The following SLCO3A1 variants were observed in gnomAD, a reference collection of about 807,000 sequenced individuals.
SLCO3A1 encodes solute carrier organic anion transporter family member 3A1.
A neutral mutation model predicts 63.1 loss-of-function variants in SLCO3A1; 27 were observed. That is an observed-to-expected ratio of 0.43 (90% CI 0.32 to 0.59). SLCO3A1 has a LOEUF of 0.59. Among genes scored for constraint, SLCO3A1 ranks in the 20% least tolerant of loss-of-function variants. SLCO3A1 has a pLI of 0.09. For missense variants in SLCO3A1, 773 were observed against 945.8 expected (o/e 0.82, Z 2.40); for synonymous variants, 473 against 409.9 (o/e 1.15, Z -1.86).
At chr15:92,092,754 T>G (rs1211358942) in intron 2 of SLCO3A1, among the ~76,000 whole-genome samples, 1 of 152,156 alleles carries the variant, frequency 6.6e-6, no homozygotes, top group Non-Finnish European at 1.5e-5. Context: ...TTCCGAAAGA[T>G]CTTTTCCAGT....
At chr15:91,947,303 C>G (rs1171326155) in intron 2 of SLCO3A1, among the ~76,000 whole-genome samples, 1 of 152,230 alleles carries the variant, frequency 6.6e-6, no homozygotes, top group African/African-American at 2.4e-5. Flanking sequence ...AGCAGCTTAT[C>G]TTTGAAATTC....
intron 2 of SLCO3A1, among the ~76,000 whole-genome samples, chr15:91,974,717 G>A (rs1260551827): frequency 5.3e-5 from 8 of 152,254 alleles, no homozygotes; most frequent in Admixed American, 1.3e-4. Context: ...AAATCTCTCC[G>A]AAAGAGGAAA....
chr15:92,104,595 G>A, intron 4 of SLCO3A1, 53 bp downstream of exon 4: 3 of 1,568,316 alleles, frequency 1.9e-6, no homozygotes, highest in Non-Finnish European at 2.6e-6. Flanking sequence ...ATTGGGATGG[G>A]GGTGATGAAT....
intron 2 of SLCO3A1, among the ~76,000 whole-genome samples, chr15:91,964,095 G>A (rs976093579): frequency 5.3e-5 from 8 of 152,138 alleles, no homozygotes; most frequent in Admixed American, 2.0e-4. Flanking sequence ...ACCTGACCCA[G>A]AAGCTCAGCT....
chr15:92,072,687 C>G (rs886428547), intron 2 of SLCO3A1, among the ~76,000 whole-genome samples: 1 of 152,136 alleles, frequency 6.6e-6, no homozygotes, highest in South Asian at 2.1e-4. Context: ...TCTGATAGAT[C>G]CAGGCGTTCC....
intron 2 of SLCO3A1, among the ~76,000 whole-genome samples, chr15:92,010,025 G>T (rs377353547): frequency 6.6e-6 from 1 of 152,184 alleles, no homozygotes. Flanking sequence ...CAATTTCACC[G>T]CACTCTTGAC....
intron 2 of SLCO3A1, among the ~76,000 whole-genome samples, chr15:91,925,034 G>A (rs973105789): frequency 7.2e-5 from 11 of 152,344 alleles, no homozygotes; most frequent in African/African-American, 2.6e-4. Context: ...CCAGAAGGAT[G>A]TCAAAGAATA....
At chr15:91,990,881 A>C (rs2046118029) in intron 2 of SLCO3A1, among the ~76,000 whole-genome samples, 1 of 152,086 alleles carries the variant, frequency 6.6e-6, no homozygotes, top group African/African-American at 2.4e-5. Flanking sequence ...AGGGTGCAAA[A>C]TGGCAGCTGA....
chr15:92,027,651 G>A (rs1180285272), intron 2 of SLCO3A1, among the ~76,000 whole-genome samples: 1 of 152,238 alleles, frequency 6.6e-6, no homozygotes, highest in Non-Finnish European at 1.5e-5. Context: ...GACCCCTGGT[G>A]TGGAGTGCCA....
At chr15:92,157,428 C>G (rs1010504981) in intron 9 of SLCO3A1, among the ~76,000 whole-genome samples, 11 of 152,160 alleles carry the variant, frequency 7.2e-5, no homozygotes, top group African/African-American at 2.7e-4. Context: ...CACCTGGCCC[C>G]CCCCCTTGTC....
At chr15:92,069,410 G>A (rs1402536640) in intron 2 of SLCO3A1, among the ~76,000 whole-genome samples, 1 of 152,194 alleles carries the variant, frequency 6.6e-6, no homozygotes, top group South Asian at 2.1e-4. Flanking sequence ...GCCAAGACTT[G>A]GTAGTTCTCA....
At chr15:92,035,027 T>C (rs2046706611) in intron 2 of SLCO3A1, among the ~76,000 whole-genome samples, 1 of 151,948 alleles carries the variant, frequency 6.6e-6, no homozygotes, top group Non-Finnish European at 1.5e-5. Context: ...TCCAAGGTCA[T>C]AGTTAAAGAG....
intron 5 of SLCO3A1, among the ~76,000 whole-genome samples, chr15:92,125,066 T>C (rs1165462613): frequency 6.6e-6 from 1 of 152,202 alleles, no homozygotes; most frequent in Non-Finnish European, 1.5e-5. Context: ...ATTTTAAGTA[T>C]GACTTGTGCT....
At chr15:92,152,794 C>A (rs937158922) in intron 9 of SLCO3A1, among the ~76,000 whole-genome samples, 2 of 152,150 alleles carry the variant, frequency 1.3e-5, no homozygotes, top group Non-Finnish European at 2.9e-5. Context: ...AAGCCATGAA[C>A]CATCCCCAGG....
intron 1 of SLCO3A1, among the ~76,000 whole-genome samples, chr15:91,861,171 G>T (rs1007595515): frequency 6.6e-6 from 1 of 152,204 alleles, no homozygotes; most frequent in Non-Finnish European, 1.5e-5. Flanking sequence ...AGACCTCAGA[G>T]CCCCAAAGCC....
At chr15:92,010,230 C>T (rs577927365) in intron 2 of SLCO3A1, among the ~76,000 whole-genome samples, 1 of 152,288 alleles carries the variant, frequency 6.6e-6, no homozygotes, top group South Asian at 2.1e-4. Context: ...GTAACCTATT[C>T]AGTGTTTCTC....
intron 2 of SLCO3A1, among the ~76,000 whole-genome samples, chr15:92,038,410 G>A (rs1186318641): frequency 2.6e-5 from 4 of 152,068 alleles, no homozygotes; most frequent in African/African-American, 7.2e-5. Context: ...AAAGTCTCAG[G>A]ATACAAAATC....
rs143585830 is a variant in SLCO3A1, at chr15:91,924,522, A to G, written c.646+8064A>G. 4.5e-3 allele frequency among the ~76,000 whole-genome samples: 691 copies of G among 152,326 alleles called. 25 individuals carry two copies. The highest frequency in any genetic ancestry group is 0.039 in the Admixed American group (600 of 15,306). Reference sequence around the variant, plus strand: ...TGCATTCATCTTTTGAGTTGCAAATAAATAAAACACGAAAAAAGAAAAGAA... The same window carrying G: ...TGCATTCATCTTTTGAGTTGCAAATGAATAAAACACGAAAAAAGAAAAGAA... On this transcript the variant is annotated intron_variant, in intron 2 of 9. Transcript: ENST00000318445.
Position 92,163,071 on chromosome 15 carries a change from G to A in SLCO3A1, c.2069G>A (p.Arg690Lys), listed in dbSNP as rs1336850922. The A allele has an allele frequency of 1.9e-6, 3 of 1,555,980 alleles. No homozygotes were observed. Among genetic ancestry groups the A allele is most frequent in the African/African-American group, 1.4e-5 (1 of 73,046 alleles). Residue 690 changes from arginine to lysine, a missense_variant, in exon 10 of 10, where the codon AGG becomes AAG. Around this residue, in one of 3 missense-constraint regions of SLCO3A1, gnomAD observed 139 missense variants for 131.4 expected, o/e 1.06. Coordinates refer to ENST00000318445, the MANE Select transcript of SLCO3A1 (RefSeq NM_013272.4). ...CCTGTGCCCGCAAACCAGACACATA[G>A]GACAAAGTTTATCTATAACCTGGAA... ...RDPVPANQTH[R>K]TKFIYNLEDH... is the part of the protein sequence containing the mutation.
Sources: gnomAD v4.1 joint callset for allele counts (sites outside exome capture counted in the v4.1 genomes callset) on GRCh38, gnomAD v4.1.1 for gene constraint, gnomAD v4.1.1 regional missense constraint, MANE v1.5 for transcripts, NCBI Gene and HGNC (gene_info 2026-07-23, HGNC 2026-07-21) for gene names.